ACTR3: variants seen among roughly 807,000 people sequenced by gnomAD.
ACTR3 encodes actin-related protein 3.
In ACTR3, 12 loss-of-function variants were observed where a neutral mutation model predicts 56.8. The observed-to-expected ratio is 0.21, with a 90% CI of 0.14 to 0.34. The LOEUF is 0.34. Among genes scored for constraint, ACTR3 ranks in the 10% least tolerant of loss-of-function variants. ACTR3 has a pLI of 1.00. For missense variants in ACTR3, 282 were observed against 512.5 expected, an observed-to-expected ratio of 0.55 and a Z score of 4.34; for synonymous variants, 162 against 167.4, an observed-to-expected ratio of 0.97 and a Z score of 0.25.
chr2:113,893,732 C>CT (rs542852946), intron 1 of ACTR3, among the ~76,000 whole-genome samples: 7 of 151,462 alleles, frequency 4.6e-5, no homozygotes, highest in Middle Eastern at 3.2e-3. Context: ...CCTTTTATGT[C>CT]TTTTTTTTTC....
intron 2 of ACTR3, 30 bp from the exon 3 acceptor site, chr2:113,916,854 A>G (rs756956622): frequency 6.4e-7 from 1 of 1,562,852 alleles, no homozygotes; most frequent in South Asian, 1.2e-5. Flanking sequence ...AGGAAAATGA[A>G]TTCTTTGACA....
chr2:113,949,175 C>G (rs887423448), intron 8 of ACTR3, among the ~76,000 whole-genome samples: 1 of 150,526 alleles, frequency 6.6e-6, no homozygotes, highest in African/African-American at 2.5e-5. Context: ...GTCAGGAGTT[C>G]GAGATCAGCC....
intron 6 of ACTR3, among the ~76,000 whole-genome samples, chr2:113,935,284 CCA>C (rs1226237654): frequency 6.6e-6 from 1 of 152,170 alleles, no homozygotes; most frequent in Non-Finnish European, 1.5e-5. Context: ...TTCACAAAGT[CCA>C]TCCGTCCCCA....
At chr2:113,922,559 TA>T (rs1679530354) in intron 3 of ACTR3, among the ~76,000 whole-genome samples, 1 of 151,852 alleles carries the variant, frequency 6.6e-6, no homozygotes, top group African/African-American at 2.4e-5. Context: ...TTGTGAAGAG[TA>T]AAGAGGAACA....
Position 113,958,782 on chromosome 2 carries a change from C to T in ACTR3, c.*1327C>T, listed in dbSNP as rs1278372894. 6.6e-6 allele frequency: 1 copy of T among 151,842 alleles called. No homozygotes were observed. Among genetic ancestry groups the T allele is most frequent in the Non-Finnish European group, 1.5e-5 (1 of 67,884 alleles). 9.4% of individuals were successfully genotyped at this position (151,842 alleles called of 1,614,324 possible). On this transcript the variant is annotated 3_prime_UTR_variant, in exon 12 of 12. Transcript: ENST00000263238. ...TGGGAAATGTTTTATAGGCTTTTTA[C>T]TAGCAGTATCAGTGAACACTTGAAC...
chr2:113,890,380 G>T, intron 1 of ACTR3, 57 bp downstream of exon 1: 2 of 1,405,478 alleles, frequency 1.4e-6, no homozygotes, highest in South Asian at 2.7e-5. Context: ...GAAGATGGCG[G>T]GGGAGGGAGG....
chr2:113,917,485 G>A (rs1266454503), intron 3 of ACTR3, among the ~76,000 whole-genome samples: 4 of 151,738 alleles, frequency 2.6e-5, no homozygotes, highest in African/African-American at 9.7e-5. Flanking sequence ...TATACAGTTC[G>A]AAGAATTTTT....
intron 11 of ACTR3, among the ~76,000 whole-genome samples, chr2:113,956,906 C>T (rs1056740161): frequency 6.6e-6 from 1 of 152,254 alleles, no homozygotes; most frequent in Admixed American, 6.5e-5. Flanking sequence ...TCTATCTTTT[C>T]CAGACCTTGA....
intron 1 of ACTR3, among the ~76,000 whole-genome samples, chr2:113,897,516 T>TA (rs1559454512): frequency 1.5e-5 from 1 of 65,168 alleles, no homozygotes; most frequent in Non-Finnish European, 2.3e-5. Context: ...TGGCCAGATG[T>TA]TATTTTTTTT....
At chr2:113,917,060 A>G (rs1574361576) in intron 3 of ACTR3, 52 bp downstream of exon 3, 1 of 1,491,192 alleles carries the variant, frequency 6.7e-7, no homozygotes, top group Non-Finnish European at 9.1e-7. Flanking sequence ...AGTTTGTTCG[A>G]TGCTTGTGCC....
chr2:113,902,810 G>A (rs1043506118), intron 1 of ACTR3, among the ~76,000 whole-genome samples: 2 of 152,160 alleles, frequency 1.3e-5, no homozygotes, highest in African/African-American at 4.8e-5. Context: ...GTGTTGGCCA[G>A]GGTGGCCTCA....
chr2:113,924,368 T>C (rs1213938349), intron 3 of ACTR3, among the ~76,000 whole-genome samples: 1 of 152,074 alleles, frequency 6.6e-6, no homozygotes, highest in Admixed American at 6.6e-5. Flanking sequence ...TGAGCCACCA[T>C]GCCCAGCCCT....
intron 8 of ACTR3, among the ~76,000 whole-genome samples, chr2:113,943,671 G>A (rs78341301): frequency 0.026 from 4,025 of 152,264 alleles, 142 homozygotes; most frequent in African/African-American, 0.076. Flanking sequence ...TTAGATATGA[G>A]GGGAGTAAGA....
chr2:113,935,024 A>G (rs1679798304), intron 6 of ACTR3, among the ~76,000 whole-genome samples: 1 of 151,384 alleles, frequency 6.6e-6, no homozygotes, highest in Admixed American at 6.6e-5. Context: ...AAGGATTTAC[A>G]TTATTTTGAA....
At chr2:113,908,407 G>A (rs1461770708) in intron 1 of ACTR3, among the ~76,000 whole-genome samples, 1 of 151,572 alleles carries the variant, frequency 6.6e-6, no homozygotes, top group East Asian at 1.9e-4. Context: ...CAATAGAATT[G>A]GTAGGTTAAT....
At chr2:113,910,899 G>A (rs1382269640) in intron 1 of ACTR3, among the ~76,000 whole-genome samples, 1 of 152,172 alleles carries the variant, frequency 6.6e-6, no homozygotes, top group Non-Finnish European at 1.5e-5. Flanking sequence ...TAAAAGTAGA[G>A]AGATTAATAT....
At chr2:113,936,185 C>G (rs1373731222) in intron 6 of ACTR3, among the ~76,000 whole-genome samples, 1 of 151,376 alleles carries the variant, frequency 6.6e-6, no homozygotes, top group Non-Finnish European at 1.5e-5. Flanking sequence ...CCAGCTACTC[C>G]AGAGGCTGAG....
chr2:113,927,060 A>C (rs1459272858), intron 3 of ACTR3, among the ~76,000 whole-genome samples: 1 of 152,202 alleles, frequency 6.6e-6, no homozygotes, highest in Non-Finnish European at 1.5e-5. Flanking sequence ...AACTTTTAAA[A>C]TCTAGAAAGA....
At chr2:113,916,247 A>G (rs1422919680) in intron 2 of ACTR3, among the ~76,000 whole-genome samples, 1 of 151,020 alleles carries the variant, frequency 6.6e-6, no homozygotes, top group Non-Finnish European at 1.5e-5. Context: ...GTACATTTAT[A>G]ACTTAATCTA....
Sources: gnomAD v4.1 joint callset for allele counts (sites outside exome capture counted in the v4.1 genomes callset) on GRCh38, gnomAD v4.1.1 for gene constraint, MANE v1.5 for transcripts, NCBI Gene and HGNC (gene_info 2026-07-23, HGNC 2026-07-21) for gene names.